The following PTPN18 variants were observed in gnomAD, a reference collection of about 807,000 sequenced individuals.
PTPN18 encodes the protein tyrosine-protein phosphatase non-receptor type 18.
A neutral mutation model predicts 65.4 loss-of-function variants in PTPN18; 65 were observed. The observed-to-expected ratio is 0.99, with a 90% CI of 0.81 to 1.22. The LOEUF (loss-of-function observed/expected upper bound fraction) is 1.22. PTPN18 is among the 50% of genes most tolerant of loss of function. The pLI, the probability that PTPN18 is intolerant of heterozygous loss-of-function variation, is 0.00. For missense variants in PTPN18, 616 were observed against 646.5 expected (o/e 0.95, Z 0.51); for synonymous variants, 255 against 267.8 (o/e 0.95, Z 0.47).
rs1445301549 is a variant in PTPN18 at position 130,370,976 on chromosome 2, C to T, written c.924+12C>T. On this transcript the variant is annotated intron_variant, in intron 11 of 14. Coordinates refer to ENST00000175756, the MANE Select transcript of PTPN18 (RefSeq NM_014369.4). Reference sequence around the variant, plus strand: ...AGAACATCAAAGAGGTACAGAGGCTCCTTTCCCACTCTCCTGTCCACCATC... The same window carrying T: ...AGAACATCAAAGAGGTACAGAGGCTTCTTTCCCACTCTCCTGTCCACCATC... The T allele has an allele frequency of 1.2e-6, 2 of 1,611,174 alleles. No homozygotes were observed. The highest frequency in any genetic ancestry group is 1.7e-6 in the Non-Finnish European group (2 of 1,177,638).
At chr2:130,367,059 T>A (rs868456343) in intron 5 of PTPN18, among the ~76,000 whole-genome samples, 2 of 118,212 alleles carry the variant, frequency 1.7e-5, no homozygotes, top group African/African-American at 3.9e-5. Context: ...AATTTTTTTT[T>A]TTTTTTTTTT....
chr2:130,373,332 TAA>T lies in PTPN18; in HGVS notation c.*110_*111del. The T allele has an allele frequency of 1.7e-6, 2 of 1,177,698 alleles. No individual in the cohort carries two copies. Among genetic ancestry groups the T allele is most frequent in the Non-Finnish European group, 1.2e-6 (1 of 861,142 alleles). The allele number at this position is 1,177,698 out of a possible 1,614,324, so 73.0% of individuals were successfully genotyped here. A position where few individuals can be genotyped will look rare whatever the true frequency, so the allele number is the denominator to read the frequency against. On this transcript the variant is annotated 3_prime_UTR_variant, in exon 15 of 15. Transcript: ENST00000175756. The surrounding 1 kb of genome is among the most constrained non-coding windows in gnomAD (Gnocchi z 4.1). Reference sequence around the variant, plus strand: ...GGAAACAGTGGGCCTGGATCAAAGTTAAAGTTTCTCAGGGTGGGAAATGTGGG... The same window carrying T: ...GGAAACAGTGGGCCTGGATCAAAGTTAGTTTCTCAGGGTGGGAAATGTGGG...
rs150731200 is a variant in PTPN18, at chr2:130,358,508, G to A, written c.94-359G>A. 1.1e-4 allele frequency among the ~76,000 whole-genome samples: 16 copies of A among 152,210 alleles called. No homozygotes were observed. In the East Asian group the frequency reaches 1.7e-3, roughly 17 times the overall value. On this transcript the variant is annotated intron_variant, in intron 1 of 14. Coordinates refer to ENST00000175756, the MANE Select transcript of PTPN18 (RefSeq NM_014369.4). ...TGAGTGTGCAGGGGGTGGGTGCCGA[G>A]AGGGTCTGAGTTCAACCCTCACCGT...
At chr2:130,371,130 C>CT in intron 11 of PTPN18, 69 bp from the exon 12 acceptor site, 1 of 1,446,158 alleles carries the variant, frequency 6.9e-7, no homozygotes, top group South Asian at 1.2e-5. Context: ...CTTAAGCTTT[C>CT]TCCCAGAGCC....
At chr2:130,371,594 G>A (rs1200248071) in intron 12 of PTPN18, among the ~76,000 whole-genome samples, 2 of 152,158 alleles carry the variant, frequency 1.3e-5, no homozygotes, top group African/African-American at 2.4e-5. Flanking sequence ...AAGGAGGGCG[G>A]ATCACTTGAG....
chr2:130,363,951 T>C (rs1186100990), intron 5 of PTPN18, among the ~76,000 whole-genome samples: 3 of 152,102 alleles, frequency 2.0e-5, no homozygotes, highest in Non-Finnish European at 4.4e-5. Context: ...CTGTCTTTTT[T>C]TTTTTTTTAA....
intron 9 of PTPN18, 39 bp downstream of exon 9, chr2:130,370,662 A>G (rs1329061757): frequency 1.2e-6 from 2 of 1,614,110 alleles, no homozygotes; most frequent in Admixed American, 1.7e-5. Context: ...TGTGCTGCCC[A>G]TGACCACGTG....
intron 13 of PTPN18, 26 bp downstream of exon 13, chr2:130,372,509 G>C (rs1680604634): frequency 7.2e-7 from 1 of 1,390,858 alleles, no homozygotes; most frequent in Non-Finnish European, 9.3e-7. Flanking sequence ...CTCCTTCTCA[G>C]GGCATCATCC....
chr2:130,367,216 T>C (rs1680414449), intron 5 of PTPN18, among the ~76,000 whole-genome samples: 1 of 152,006 alleles, frequency 6.6e-6, no homozygotes, highest in Non-Finnish European at 1.5e-5. Context: ...ATAATGCAGA[T>C]TTGTTTGTGA....
At chr2:130,372,693 GC>G (rs1436646749) in intron 13 of PTPN18, 179 bp from the exon 14 acceptor site, 5 of 965,602 alleles carry the variant, frequency 5.2e-6, no homozygotes, top group Non-Finnish European at 7.5e-6. Flanking sequence ...AGGGTTCCTG[GC>G]AATACTTGTC....
Position 130,373,333 on chromosome 2 carries a change from A to G in PTPN18, c.*109A>G. ...GAAACAGTGGGCCTGGATCAAAGTT[A>G]AAGTTTCTCAGGGTGGGAAATGTGG... On this transcript the variant is annotated 3_prime_UTR_variant, in exon 15 of 15. Transcript: ENST00000175756. The surrounding 1 kb of genome is among the most constrained non-coding windows in gnomAD (Gnocchi z 4.1). The G allele has an allele frequency of 8.6e-7, 1 of 1,165,638 alleles. No individual in the cohort carries two copies. The highest frequency in any genetic ancestry group is 1.2e-6 in the Non-Finnish European group (1 of 850,442). The allele number at this position is 1,165,638 out of a possible 1,614,324, so 72.2% of individuals were successfully genotyped here.
Position 130,373,509 on chromosome 2 carries a change from T to TG in PTPN18, c.*286dup. The TG allele has an allele frequency of 3.4e-6, 1 of 298,312 alleles. No individual in the cohort carries two copies. Among genetic ancestry groups the TG allele is most frequent in the Admixed American group, 4.9e-5 (1 of 20,324 alleles). 18.5% of individuals were successfully genotyped at this position (298,312 alleles called of 1,614,324 possible). A position where few individuals can be genotyped will look rare whatever the true frequency, so the allele number is the denominator to read the frequency against. On this transcript the variant is annotated 3_prime_UTR_variant, in exon 15 of 15. Coordinates refer to ENST00000175756, the MANE Select transcript of PTPN18 (RefSeq NM_014369.4). This position sits in a 1 kb window ranked among gnomAD's most constrained non-coding sequence, Gnocchi z 4.1. ...AGTTATGAAGGGGAGAAGGGACAGA[T>TG]GAGCTTCCGGAGACTGCTCTCCTCA...
At chr2:130,362,423 CAG>C (rs1442375818) in intron 5 of PTPN18, 1 of 249,138 alleles carries the variant, frequency 4.0e-6, no homozygotes, top group Non-Finnish European at 8.0e-6. Flanking sequence ...TTTTCTCTTT[CAG>C]AGTGAGAATT....
In PTPN18 at chr2:130,370,028, C is replaced by T. The variant is rs372661236; in HGVS notation, c.547-20C>T. ...TCTTTTTTTTCCTAAGTCTTTTGCT[C>T]ATCTTTTTCTGTGTTTCAGGAGTCC... On this transcript the variant is annotated intron_variant, in intron 7 of 14. Transcript: ENST00000175756. 7 of 1,611,106 alleles carry T rather than the reference C, an allele frequency of 4.3e-6. No individual in the cohort carries two copies. The highest frequency in any genetic ancestry group is 1.6e-4 in the Middle Eastern group (1 of 6,070).
chr2:130,374,806 A>G lies in PTPN18; in HGVS notation c.*1582A>G, dbSNP rs1215401407. 4.7e-6 allele frequency: 2 copies of G among 429,786 alleles called. No homozygotes were observed. Among genetic ancestry groups the G allele is most frequent in the African/African-American group, 2.0e-5 (1 of 48,918 alleles). 26.6% of individuals were successfully genotyped at this position (429,786 alleles called of 1,614,324 possible). A position where few individuals can be genotyped will look rare whatever the true frequency, so the allele number is the denominator to read the frequency against. On this transcript the variant is annotated 3_prime_UTR_variant, in exon 15 of 15. Transcript: ENST00000175756. ...CCTCTGCCTCTGCCTGGCTGCATCC[A>G]TGGTCGATCTCAAGTGCCTTGGCAT... is the stretch of plus-strand genomic sequence containing the variant.
At chr2:130,370,268 A>G in intron 8 of PTPN18, 78 bp downstream of exon 8, 1 of 1,569,538 alleles carries the variant, frequency 6.4e-7, no homozygotes, top group African/African-American at 1.3e-5. Flanking sequence ...GCATGGGGCT[A>G]GTCTTGTAGT....
chr2:130,372,954 C>G lies in PTPN18; in HGVS notation c.1315+7C>G, dbSNP rs1326098775. 1.9e-6 allele frequency: 3 copies of G among 1,614,076 alleles called. No individual in the cohort carries two copies. The highest frequency in any genetic ancestry group is 2.5e-6 in the Non-Finnish European group (3 of 1,179,978). On this transcript the variant is annotated splice_region_variant and intron_variant, in intron 14 of 14. Transcript: ENST00000175756. ...GCTCAGACCGGTGGGCTAGGTAAGTCAGGTAGAGCCTGGGTTGCTGGGACT... is the reference window on the plus strand; with the variant it reads ...GCTCAGACCGGTGGGCTAGGTAAGTGAGGTAGAGCCTGGGTTGCTGGGACT...
intron 5 of PTPN18, among the ~76,000 whole-genome samples, chr2:130,363,401 T>TGCA (rs1680285368): frequency 6.6e-6 from 1 of 151,874 alleles, no homozygotes; most frequent in Admixed American, 6.6e-5. Flanking sequence ...GAGCTGAGAT[T>TGCA]GTGCCACTAC....
At chr2:130,369,259 C>G (rs971287374) in intron 6 of PTPN18, 58 bp downstream of exon 6, 2 of 1,502,444 alleles carry the variant, frequency 1.3e-6, no homozygotes, top group African/African-American at 2.8e-5. Context: ...TGGGTTGGGC[C>G]TAAAAGGTTG....
Sources: allele counts gnomAD v4.1 joint callset (sites outside exome capture counted in the v4.1 genomes callset), GRCh38; gene constraint gnomAD v4.1.1; non-coding constraint Gnocchi (gnomAD v3.1); transcripts MANE v1.5; gene names NCBI Gene and HGNC (gene_info 2026-07-23, HGNC 2026-07-21).